Variants in CPA6 observed in about 807,000 individuals in gnomAD.
The protein encoded by CPA6 is carboxypeptidase A6, also known as carboxypeptidase B.
In CPA6, 58 loss-of-function variants were observed where a neutral mutation model predicts 63.3. That is an observed-to-expected ratio of 0.92 (90% CI 0.74 to 1.14). The LOEUF (loss-of-function observed/expected upper bound fraction) is 1.14, where lower values mean the gene tolerates loss of function less well. CPA6 is among the 50% of genes most tolerant of loss of function. CPA6 has a pLI of 0.00. For synonymous variants in CPA6, 185 were observed against 179.0 expected, an observed-to-expected ratio of 1.03 and a Z score of -0.27; for missense variants, 565 against 526.6, an observed-to-expected ratio of 1.07 and a Z score of -0.71.
In CPA6 at chr8:67,511,600, G is replaced by A. The variant is rs369797680; in HGVS notation, c.373C>T (p.Gln125Ter). The A allele has an allele frequency of 1.2e-6, 2 of 1,612,692 alleles. No homozygotes were observed. The highest frequency in any genetic ancestry group is 1.7e-6 in the Non-Finnish European group (2 of 1,178,958). The change falls in exon 4 of 11, where the codon CAG becomes TAG. Residue 125 changes from glutamine (Q) to a stop codon, truncating the protein, a stop_gained. Transcript: ENST00000297770. LOFTEE classifies it high-confidence loss of function. Reference protein sequence around the residue: ...TLEKGSSLHTQRNRRSLSGYN... With the variant: ...TLEKGSSLHT ...CCAGAGAGGGATCTTCGGTTTCTCT[G>A]GGTGTGCAAGCTGCTTCCCTTCTCC...
intron 1 of CPA6, among the ~76,000 whole-genome samples, chr8:67,734,108 G>C (rs1294513888): frequency 6.6e-6 from 1 of 151,474 alleles, no homozygotes; most frequent in Non-Finnish European, 1.5e-5. Flanking sequence ...CAACTCCTGG[G>C]CTCAAGTGAT....
chr8:67,528,034 C>A (rs1313803689), intron 2 of CPA6, among the ~76,000 whole-genome samples: 1 of 152,144 alleles, frequency 6.6e-6, no homozygotes, highest in South Asian at 2.1e-4. Flanking sequence ...TCCCCCACCT[C>A]CCCCAACATG....
intron 2 of CPA6, among the ~76,000 whole-genome samples, chr8:67,521,514 C>A (rs955105391): frequency 6.6e-6 from 1 of 152,200 alleles, no homozygotes; most frequent in Non-Finnish European, 1.5e-5. Context: ...ATAGTAGGAG[C>A]TCAAAGGATA....
intron 2 of CPA6, among the ~76,000 whole-genome samples, chr8:67,602,236 C>T (rs1438172310): frequency 6.6e-6 from 1 of 151,986 alleles, no homozygotes; most frequent in African/African-American, 2.4e-5. Context: ...CAAATTTATG[C>T]AGAGGTACAT....
At chr8:67,684,080 T>G (rs1352873010) in intron 1 of CPA6, among the ~76,000 whole-genome samples, 1 of 147,200 alleles carries the variant, frequency 6.8e-6, no homozygotes, top group Non-Finnish European at 1.5e-5. Context: ...AGAGATGGGG[T>G]TTTGCTATGT....
chr8:67,478,072 G>A (rs1042036391), intron 8 of CPA6, among the ~76,000 whole-genome samples: 1 of 152,122 alleles, frequency 6.6e-6, no homozygotes, highest in East Asian at 1.9e-4. Flanking sequence ...GAGAGGGTTG[G>A]GACTTTCAGT....
In CPA6 at chr8:67,442,837, T is replaced by TG. The variant is rs746739828; in HGVS notation, c.839-8598dup. Among the ~76,000 whole-genome samples, 11 of 152,260 alleles carry TG rather than the reference T, an allele frequency of 7.2e-5. No homozygotes were observed. The South Asian group carries it at 1.5e-3, about 20-fold the overall frequency. ...CATCAAGCCCACATTTCCCCACAGC[T>TG]GCGCCTCGCCAATGACTGATCATAG... On this transcript the variant is annotated intron_variant, in intron 8 of 10. Coordinates refer to ENST00000297770, the MANE Select transcript of CPA6 (RefSeq NM_020361.5).
At chr8:67,665,072 G>A (rs1052017837) in intron 1 of CPA6, among the ~76,000 whole-genome samples, 10 of 151,750 alleles carry the variant, frequency 6.6e-5, no homozygotes, top group African/African-American at 2.4e-4. Context: ...TTACGCTTCT[G>A]GAAAAAAAAA....
intron 2 of CPA6, among the ~76,000 whole-genome samples, chr8:67,613,879 C>T (rs899858882): frequency 3.9e-5 from 6 of 152,016 alleles, no homozygotes; most frequent in East Asian, 3.9e-4. Context: ...CAGAATGATG[C>T]GGCAGAGAGA....
At chr8:67,585,469 T>A (rs1229100585) in intron 2 of CPA6, among the ~76,000 whole-genome samples, 1 of 152,102 alleles carries the variant, frequency 6.6e-6, no homozygotes, top group Non-Finnish European at 1.5e-5. Context: ...CTTTAAAAGT[T>A]GAGAAAGCCA....
At chr8:67,589,987 C>T (rs1587605531) in intron 2 of CPA6, among the ~76,000 whole-genome samples, 1 of 151,774 alleles carries the variant, frequency 6.6e-6, no homozygotes, top group Non-Finnish European at 1.5e-5. Context: ...GTGCTGCACC[C>T]ATTAACTCAT....
At chr8:67,731,516 G>A (rs1320954642) in intron 1 of CPA6, among the ~76,000 whole-genome samples, 1 of 152,234 alleles carries the variant, frequency 6.6e-6, no homozygotes, top group Non-Finnish European at 1.5e-5. Flanking sequence ...CTGCTCTCTG[G>A]GCAGCAAGCT....
intron 2 of CPA6, among the ~76,000 whole-genome samples, chr8:67,601,261 C>G (rs745658133): frequency 2.0e-5 from 3 of 152,198 alleles, no homozygotes; most frequent in African/African-American, 4.8e-5. Context: ...ATATCACAAA[C>G]AGCAACCCAC....
At chr8:67,578,526 C>T (rs1452958552) in intron 2 of CPA6, among the ~76,000 whole-genome samples, 1 of 152,170 alleles carries the variant, frequency 6.6e-6, no homozygotes, top group Non-Finnish European at 1.5e-5. Context: ...GCACGAGATC[C>T]CTGGCAGCCA....
intron 2 of CPA6, among the ~76,000 whole-genome samples, chr8:67,598,736 C>T (rs114654709): frequency 0.019 from 2,857 of 152,218 alleles, 38 homozygotes; most frequent in African/African-American, 0.038. Context: ...AACACATTTA[C>T]TTTCTTAAAA....
intron 2 of CPA6, among the ~76,000 whole-genome samples, chr8:67,540,546 C>T (rs565745562): frequency 3.5e-4 from 54 of 152,354 alleles, no homozygotes; most frequent in African/African-American, 1.2e-3. Flanking sequence ...GCTGGGAGAT[C>T]TGCTTCTCTC....
chr8:67,731,241 AAAAC>A (rs1817699635), intron 1 of CPA6, among the ~76,000 whole-genome samples: 1 of 152,234 alleles, frequency 6.6e-6, no homozygotes, highest in South Asian at 2.1e-4. Flanking sequence ...TTGAAGGAAA[AAAAC>A]AAATTCTTTT....
At chr8:67,653,257 G>GT (rs1202099435) in intron 1 of CPA6, among the ~76,000 whole-genome samples, 1 of 152,028 alleles carries the variant, frequency 6.6e-6, no homozygotes, top group East Asian at 1.9e-4. Context: ...CTTTAAAGTA[G>GT]TTTTTTTCCA....
At chr8:67,715,720 G>T (rs1219615833) in intron 1 of CPA6, among the ~76,000 whole-genome samples, 1 of 152,178 alleles carries the variant, frequency 6.6e-6, no homozygotes, top group African/African-American at 2.4e-5. Flanking sequence ...TAATTATGGG[G>T]TTTACAAATT....
Sources: allele counts gnomAD v4.1 joint callset (sites outside exome capture counted in the v4.1 genomes callset), GRCh38; gene constraint gnomAD v4.1.1; transcripts MANE v1.5; gene names NCBI Gene and HGNC (gene_info 2026-07-23, HGNC 2026-07-21).